DRC10: variants seen among roughly 807,000 people sequenced by gnomAD.
The protein encoded by DRC10 is dynein regulatory complex subunit 10.
the DRC10 span, among the ~76,000 whole-genome samples, chr12:113,209,238 T>C: frequency 2.0e-5 from 3 of 152,156 alleles, no homozygotes; most frequent in Admixed American, 6.5e-5. Context: ...ATTTTAAAAA[T>C]TGGTGGGTGA....
At chr12:113,212,464 G>A in the DRC10 span, among the ~76,000 whole-genome samples, 7 of 152,184 alleles carry the variant, frequency 4.6e-5, no homozygotes, top group Non-Finnish European at 1.0e-4. Flanking sequence ...CATGGCTACA[G>A]GATGAATGTG....
the DRC10 span, chr12:113,200,266 C>G: frequency 5.8e-6 from 3 of 519,490 alleles, no homozygotes; most frequent in Admixed American, 7.4e-5. Context: ...TGGGTATTAT[C>G]CCTGTGGGGT....
chr12:113,206,422 T>G, the DRC10 span, among the ~76,000 whole-genome samples: 1 of 152,050 alleles, frequency 6.6e-6, no homozygotes, highest in Non-Finnish European at 1.5e-5. Context: ...TGCCTTTGCC[T>G]CTTTTGGGAA....
At chr12:113,208,052 G>A in the DRC10 span, 18 of 1,614,134 alleles carry the variant, frequency 1.1e-5, no homozygotes, top group Non-Finnish European at 1.4e-5. Flanking sequence ...GTCCTAGAGA[G>A]AACCAAGGGT....
chr12:113,208,483 G>C, the DRC10 span: 4 of 423,424 alleles, frequency 9.4e-6, no homozygotes, highest in African/African-American at 2.0e-5. Context: ...TGTCAGGCGG[G>C]GACCAGCCAG....
the DRC10 span, among the ~76,000 whole-genome samples, chr12:113,217,571 G>A: frequency 4.6e-5 from 7 of 152,110 alleles, no homozygotes; most frequent in Admixed American, 4.6e-4. Context: ...TCGCTCTGTC[G>A]CCCAGGCTGG....
At chr12:113,197,569 T>TAGG in the DRC10 span, 3 of 1,534,670 alleles carry the variant, frequency 2.0e-6, no homozygotes, top group Non-Finnish European at 2.6e-6. Context: ...TGTATCATAT[T>TAGG]TCTGGATCCA....
At chr12:113,203,518 C>T in the DRC10 span, among the ~76,000 whole-genome samples, 1 of 149,822 alleles carries the variant, frequency 6.7e-6, no homozygotes, top group African/African-American at 2.5e-5. Context: ...CTCTGTCGCA[C>T]AGGCTGGAGT....
At chr12:113,221,019 C>T in the DRC10 span, 6 of 396,514 alleles carry the variant, frequency 1.5e-5, no homozygotes, top group Admixed American at 1.1e-4. Context: ...CTCCAGGTTT[C>T]CCTAGCCACA....
chr12:113,208,293 G>T, the DRC10 span: 1 of 1,449,816 alleles, frequency 6.9e-7, no homozygotes, highest in East Asian at 2.4e-5. Context: ...GAGTGCAGCT[G>T]TGCTGACATC....
chr12:113,196,937 C>T, the DRC10 span, among the ~76,000 whole-genome samples: 9 of 152,366 alleles, frequency 5.9e-5, no homozygotes, highest in South Asian at 1.4e-3. Context: ...TAATCAGATG[C>T]AGAAACGGGC....
the DRC10 span, among the ~76,000 whole-genome samples, chr12:113,213,176 T>TAAAA: frequency 7.9e-5 from 5 of 63,564 alleles, no homozygotes; most frequent in Non-Finnish European, 5.9e-5. Flanking sequence ...CAGAGGGTGC[T>TAAAA]AAAAAAAAAA....
chr12:113,207,052 CCT>C, the DRC10 span: 1 of 348,826 alleles, frequency 2.9e-6, no homozygotes, highest in African/African-American at 2.2e-5. Context: ...AGAGTGAGAC[CCT>C]GTCTCAAAAA....
the DRC10 span, chr12:113,202,943 A>G: frequency 2.5e-6 from 1 of 407,300 alleles, no homozygotes; most frequent in Non-Finnish European, 5.1e-6. Flanking sequence ...TTTTGTAAAG[A>G]TTTAGAGAGA....
the DRC10 span, chr12:113,206,031 A>C: frequency 6.6e-6 from 1 of 151,304 alleles, no homozygotes; most frequent in African/African-American, 2.4e-5. Context: ...CCTGGCTAAC[A>C]CGGTGAAACC....
At chr12:113,212,261 G>T in the DRC10 span, among the ~76,000 whole-genome samples, 1 of 152,066 alleles carries the variant, frequency 6.6e-6, no homozygotes, top group East Asian at 1.9e-4. Flanking sequence ...TAGAGACAGG[G>T]TTTCATCATG....
the DRC10 span, among the ~76,000 whole-genome samples, chr12:113,216,948 G>A: frequency 2.6e-5 from 4 of 152,074 alleles, no homozygotes; most frequent in Admixed American, 6.6e-5. Flanking sequence ...AATTAGCAGC[G>A]CATGGTGTTG....
At chr12:113,197,199 T>C in the DRC10 span, among the ~76,000 whole-genome samples, 3 of 151,362 alleles carry the variant, frequency 2.0e-5, no homozygotes, top group Admixed American at 6.6e-5. Flanking sequence ...GCTTTTTTTT[T>C]TTTTTTTTTT....
At chr12:113,196,331 A>T in the DRC10 span, among the ~76,000 whole-genome samples, 5 of 152,308 alleles carry the variant, frequency 3.3e-5, no homozygotes, top group East Asian at 9.6e-4. Flanking sequence ...GGCTGCTGCC[A>T]TGAAAGCAGT....
Sources: gnomAD v4.1 joint callset for allele counts (sites outside exome capture counted in the v4.1 genomes callset) on GRCh38, gnomAD v4.1.1 for gene constraint, MANE v1.5 for transcripts, NCBI Gene and HGNC (gene_info 2026-07-23, HGNC 2026-07-21) for gene names.